RBFOX1: variants seen among roughly 807,000 people sequenced by gnomAD.
RBFOX1 encodes RNA binding fox-1 homolog 1.
Under a neutral mutation model 57.7 loss-of-function variants are expected in RBFOX1, and 8 were observed. That is an observed-to-expected ratio of 0.14 (90% confidence interval 0.08 to 0.25). The LOEUF is 0.25. Among genes scored for constraint, RBFOX1 ranks in the 10% least tolerant of loss-of-function variants. The probability of loss-of-function intolerance (pLI) is 1.00; values close to 1 mark genes in which losing one functional copy is unlikely to be tolerated. For missense variants in RBFOX1, 611 were observed against 548.5 expected (o/e 1.11, Z -1.14); for synonymous variants, 326 against 222.4 (o/e 1.47, Z -4.15).
At chr16:5,464,430 C>T (rs1331479055) in intron 1 of RBFOX1, among the ~76,000 whole-genome samples, 3 of 152,210 alleles carry the variant, frequency 2.0e-5, no homozygotes, top group Non-Finnish European at 4.4e-5. Context: ...GGGGACACGA[C>T]AGAGCTTGAA....
intron 14 of RBFOX1, among the ~76,000 whole-genome samples, chr16:7,698,723 A>T (rs1475624902): frequency 6.6e-6 from 1 of 152,258 alleles, no homozygotes; most frequent in East Asian, 1.9e-4. Context: ...TCCATTTCCA[A>T]TAAAGTGTGA....
chr16:6,096,538 C>A (rs748817544), intron 1 of RBFOX1, among the ~76,000 whole-genome samples: 1 of 152,122 alleles, frequency 6.6e-6, no homozygotes, highest in Non-Finnish European at 1.5e-5. Flanking sequence ...AAATAAGAGG[C>A]TTTGTGAATT....
At chr16:6,481,128 A>G (rs1310564372) in intron 2 of RBFOX1, among the ~76,000 whole-genome samples, 1 of 152,166 alleles carries the variant, frequency 6.6e-6, no homozygotes, top group Non-Finnish European at 1.5e-5. Flanking sequence ...GAGAGACAAT[A>G]TCAGTTTACA....
At chr16:5,638,210 A>G (rs937950424) in intron 3 of RBFOX1, among the ~76,000 whole-genome samples, 1 of 152,194 alleles carries the variant, frequency 6.6e-6, no homozygotes, top group African/African-American at 2.4e-5. Flanking sequence ...TGTAGCTAAG[A>G]AGAGTGAGGT....
At position 7,394,795 on chromosome 16, in the gene RBFOX1, C is replaced by G. The variant is rs532443495; in HGVS notation, c.28-123352C>G. ...ACTCTTTTTTCCTGGTATAAATGAT[C>G]AGATCGCTGCTGCAGACTCATCCAG... On this transcript the variant is annotated intron_variant, in intron 4 of 15. Coordinates refer to ENST00000550418, the MANE Select transcript of RBFOX1 (RefSeq NM_018723.4). Among the ~76,000 whole-genome samples, 5 of 152,272 alleles carry G rather than the reference C, an allele frequency of 3.3e-5. No individual in the cohort carries two copies. In the South Asian group the frequency reaches 1.0e-3, roughly 32 times the overall value.
intron 2 of RBFOX1, among the ~76,000 whole-genome samples, chr16:6,384,009 A>C: frequency 6.7e-6 from 1 of 148,610 alleles, no homozygotes. Context: ...CTCTCTTTCT[A>C]CCCTGAAATG....
intron 3 of RBFOX1, among the ~76,000 whole-genome samples, chr16:5,851,794 C>G (rs1158266551): frequency 1.3e-5 from 2 of 152,116 alleles, no homozygotes; most frequent in Non-Finnish European, 2.9e-5. Context: ...GCAAGTTTAG[C>G]GTTCTGTGGG....
At chr16:7,096,928 T>A (rs1426070380) in intron 4 of RBFOX1, among the ~76,000 whole-genome samples, 1 of 45,276 alleles carries the variant, frequency 2.2e-5, no homozygotes, top group Admixed American at 4.2e-4. Flanking sequence ...CGAGACTCCA[T>A]CTCAAAAAAA....
At chr16:5,287,603 G>T (rs562085412) in intron 1 of RBFOX1, among the ~76,000 whole-genome samples, 1 of 152,288 alleles carries the variant, frequency 6.6e-6, no homozygotes, top group Admixed American at 6.5e-5. Flanking sequence ...CTGAGGATTG[G>T]TTAATCTGGC....
intron 4 of RBFOX1, among the ~76,000 whole-genome samples, chr16:7,319,211 T>A (rs555326789): frequency 2.0e-4 from 30 of 152,292 alleles, no homozygotes; most frequent in Non-Finnish European, 3.7e-4. Context: ...GCCGTAATCC[T>A]AAAAACAAAT....
At chr16:6,916,932 C>G (rs909032819) in intron 3 of RBFOX1, among the ~76,000 whole-genome samples, 3 of 152,158 alleles carry the variant, frequency 2.0e-5, no homozygotes, top group African/African-American at 7.2e-5. Flanking sequence ...TCACTGCAAC[C>G]TCCACCTTCC....
At chr16:5,694,913 T>C (rs185618000) in intron 3 of RBFOX1, among the ~76,000 whole-genome samples, 2 of 151,922 alleles carry the variant, frequency 1.3e-5, no homozygotes, top group East Asian at 2.0e-4. Flanking sequence ...AGTTTAGATA[T>C]AAGATGTCTG....
At chr16:6,963,074 A>G (rs1195843481) in intron 3 of RBFOX1, among the ~76,000 whole-genome samples, 1 of 152,148 alleles carries the variant, frequency 6.6e-6, no homozygotes, top group East Asian at 1.9e-4. Context: ...CAAATGCTCC[A>G]GGCCCACCTT....
At chr16:6,565,227 C>G (rs1017401241) in intron 2 of RBFOX1, among the ~76,000 whole-genome samples, 1 of 150,718 alleles carries the variant, frequency 6.6e-6, no homozygotes, top group Non-Finnish European at 1.5e-5. Flanking sequence ...TAGCCATAGG[C>G]CCCCAAATGT....
intron 3 of RBFOX1, among the ~76,000 whole-genome samples, chr16:5,688,813 T>C (rs1321724900): frequency 6.6e-6 from 1 of 152,192 alleles, no homozygotes; most frequent in African/African-American, 2.4e-5. Flanking sequence ...ATGGAGCCTC[T>C]AGGTCTTTAA....
At chr16:6,695,248 C>G (rs1456488749) in intron 3 of RBFOX1, among the ~76,000 whole-genome samples, 1 of 151,620 alleles carries the variant, frequency 6.6e-6, no homozygotes, top group Non-Finnish European at 1.5e-5. Flanking sequence ...GGTGAAACTC[C>G]GTCTCTACTG....
chr16:6,769,620 C>G (rs373027377), intron 3 of RBFOX1, among the ~76,000 whole-genome samples: 1 of 152,202 alleles, frequency 6.6e-6, no homozygotes, highest in Non-Finnish European at 1.5e-5. Flanking sequence ...TATGGCATCT[C>G]CAAATGATGA....
chr16:7,294,774 TATGATG>T lies in RBFOX1; in HGVS notation c.28-223350_28-223345del, dbSNP rs35974179. On this transcript the variant is annotated intron_variant, in intron 4 of 15. Transcript: ENST00000550418. ...TTTAGATATTGTAAAAAATGATGAATATGATGATGATGATGATGATGATGATGACAG... is the reference window on the plus strand; with the variant it reads ...TTTAGATATTGTAAAAAATGATGAATATGATGATGATGATGATGATGACAG... Among the ~76,000 whole-genome samples the T allele has an allele frequency of 9.1e-3, 1,379 of 151,376 alleles. 18 individuals carry two copies. The highest frequency in any genetic ancestry group is 0.03 in the African/African-American group (1,240 of 41,280).
chr16:7,700,757 T>G (rs2080411232), intron 14 of RBFOX1, among the ~76,000 whole-genome samples: 1 of 152,192 alleles, frequency 6.6e-6, no homozygotes, highest in South Asian at 2.1e-4. Flanking sequence ...CTGTGTCTTC[T>G]CTACTCCGAG....
Sources: gnomAD v4.1 joint callset for allele counts (sites outside exome capture counted in the v4.1 genomes callset) on GRCh38, gnomAD v4.1.1 for gene constraint, MANE v1.5 for transcripts, NCBI Gene and HGNC (gene_info 2026-07-23, HGNC 2026-07-21) for gene names.